The following C4orf51 variants were observed in gnomAD, a reference collection of about 807,000 sequenced individuals.
C4orf51 encodes the protein uncharacterized protein C4orf51.
In C4orf51, 25 loss-of-function variants were observed where a neutral mutation model predicts 25.2. That is an observed-to-expected ratio of 0.99 (90% confidence interval 0.72 to 1.39). The LOEUF (loss-of-function observed/expected upper bound fraction) is 1.39, where lower values mean the gene tolerates loss of function less well. Ranked by LOEUF, C4orf51 falls within the 40% of genes most tolerant of loss-of-function variation. The pLI, the probability that C4orf51 is intolerant of heterozygous loss-of-function variation, is 0.00. For synonymous variants in C4orf51, 100 were observed against 84.5 expected, an observed-to-expected ratio of 1.18 and a Z score of -1.01; for missense variants, 252 against 239.6, an observed-to-expected ratio of 1.05 and a Z score of -0.34.
downstream of C4orf51, among the ~76,000 whole-genome samples, chr4:145,733,136 C>T (rs1415637089): frequency 6.6e-6 from 1 of 152,106 alleles, no homozygotes; most frequent in Non-Finnish European, 1.5e-5. Flanking sequence ...GCCCCCAAAG[C>T]CGCGCCCACG....
At chr4:145,741,618 G>T (rs1733103654) in intron 1 of C4orf51, among the ~76,000 whole-genome samples, 1 of 152,192 alleles carries the variant, frequency 6.6e-6, no homozygotes, top group Non-Finnish European at 1.5e-5. Flanking sequence ...GAAAAGGTTA[G>T]ATTTCCCTGA....
chr4:145,697,047 A>ACC (rs35877665), intron 2 of C4orf51, among the ~76,000 whole-genome samples: 84,973 of 149,790 alleles, frequency 0.57, 24,363 homozygotes, highest in Admixed American at 0.66. Flanking sequence ...AAACAAAACA[A>ACC]AACCAACCAA....
intron 1 of C4orf51, among the ~76,000 whole-genome samples, chr4:145,695,945 C>A (rs988457277): frequency 6.6e-6 from 1 of 152,084 alleles, no homozygotes; most frequent in Admixed American, 6.6e-5. Context: ...CTCATTTATA[C>A]GTGAGAGTTA....
chr4:145,730,855 G>A (rs958764786), intron 5 of C4orf51, among the ~76,000 whole-genome samples: 1 of 152,214 alleles, frequency 6.6e-6, no homozygotes, highest in African/African-American at 2.4e-5. Flanking sequence ...TTCGCTAATG[G>A]GAGAGGGTTG....
chr4:145,788,262 C>T, the C4orf51 span, among the ~76,000 whole-genome samples: 1 of 152,096 alleles, frequency 6.6e-6, no homozygotes, highest in South Asian at 2.1e-4. Context: ...TTATGCAGGT[C>T]ATATTAAATC....
the C4orf51 span, among the ~76,000 whole-genome samples, chr4:145,781,121 G>A: frequency 7.0e-6 from 1 of 143,044 alleles, no homozygotes; most frequent in Non-Finnish European, 1.5e-5. Flanking sequence ...GCGTGAACCC[G>A]GGAGGTGGAG....
the C4orf51 span, among the ~76,000 whole-genome samples, chr4:145,792,255 A>G: frequency 6.6e-6 from 1 of 152,172 alleles, no homozygotes; most frequent in South Asian, 2.1e-4. Context: ...ATAGAATGGA[A>G]TGGAGTTAAG....
downstream of C4orf51, among the ~76,000 whole-genome samples, chr4:145,756,211 G>A (rs188790902): frequency 2.0e-3 from 305 of 152,290 alleles, 7 homozygotes; most frequent in Admixed American, 0.018. Flanking sequence ...TGACCGGTGC[G>A]GCAGCTCAGT....
In C4orf51 at chr4:145,765,085, G is replaced by A. The variant is rs1444663332; in HGVS notation, n.167-5903G>A. The A allele has an allele frequency of 6.2e-7, 1 of 1,614,162 alleles. No homozygotes were observed. The highest frequency in any genetic ancestry group is 8.5e-7 in the Non-Finnish European group (1 of 1,180,034). ...TGGCACACATCACACTCAAACATCCGGGTGATGAGGTGTATCTGCAGATGA... is the reference window on the plus strand; with the variant it reads ...TGGCACACATCACACTCAAACATCCAGGTGATGAGGTGTATCTGCAGATGA... On this transcript the variant is annotated intron_variant and non_coding_transcript_variant, in intron 1 of 1. Transcript: ENST00000510096. This position sits in a 1 kb window ranked among gnomAD's most constrained non-coding sequence, Gnocchi z 4.7.
intron 1 of C4orf51, among the ~76,000 whole-genome samples, chr4:145,749,063 G>GTATATATATATATA (rs142948635): frequency 1.9e-4 from 26 of 140,004 alleles, no homozygotes; most frequent in Admixed American, 3.6e-4. Flanking sequence ...GTGTGTGTGT[G>GTATATATATATATA]TGTATATATA....
At chr4:145,750,812 T>G (rs1733631454) in intron 1 of C4orf51, among the ~76,000 whole-genome samples, 1 of 152,186 alleles carries the variant, frequency 6.6e-6, no homozygotes, top group Non-Finnish European at 1.5e-5. Flanking sequence ...CTAGATCTTG[T>G]AGGAATGTTT....
chr4:145,782,554 T>C, the C4orf51 span, among the ~76,000 whole-genome samples: 1 of 152,202 alleles, frequency 6.6e-6, no homozygotes, highest in Non-Finnish European at 1.5e-5. Context: ...ACTGCCTTAA[T>C]TGTGTCATCA....
chr4:145,744,359 T>G (rs1384053191), intron 1 of C4orf51, among the ~76,000 whole-genome samples: 1 of 152,226 alleles, frequency 6.6e-6, no homozygotes, highest in Non-Finnish European at 1.5e-5. Context: ...CAAAGGATCC[T>G]GTGATACAAA....
At chr4:145,775,863 A>G (rs780836077), downstream of C4orf51, 6 of 1,614,100 alleles carry the variant, frequency 3.7e-6, no homozygotes, top group Admixed American at 1.0e-4. Flanking sequence ...CGGTGTCTGT[A>G]CTCACCAGCT....
In C4orf51 at chr4:145,762,884, G is replaced by T. The variant is rs555478780; in HGVS notation, n.167-8104G>T. Among the ~76,000 whole-genome samples the T allele has an allele frequency of 1.3e-5, 2 of 152,338 alleles. No individual in the cohort carries two copies. Among genetic ancestry groups the T allele is most frequent in the East Asian group, 3.9e-4 (2 of 5,184 alleles). On this transcript the variant is annotated intron_variant and non_coding_transcript_variant, in intron 1 of 1. Coordinates refer to the C4orf51 transcript ENST00000510096. The surrounding 1 kb of genome is among the most constrained non-coding windows in gnomAD (Gnocchi z 4.9). ...CTCTTGCTTGGCTCCTGCAGGGCAGGGCTCAGGAGTGGACTGTCCTCGGAG... is the reference window on the plus strand; with the variant it reads ...CTCTTGCTTGGCTCCTGCAGGGCAGTGCTCAGGAGTGGACTGTCCTCGGAG...
At chr4:145,750,412 GTTTTT>G (rs55700691) in intron 1 of C4orf51, among the ~76,000 whole-genome samples, 1 of 108,136 alleles carries the variant, frequency 9.2e-6, no homozygotes, top group Non-Finnish European at 1.9e-5. Flanking sequence ...TAGGGTAAAA[GTTTTT>G]TTTTTTTTTT....
chr4:145,785,763 T>C, the C4orf51 span, among the ~76,000 whole-genome samples: 1 of 152,192 alleles, frequency 6.6e-6, no homozygotes, highest in Non-Finnish European at 1.5e-5. Context: ...TTCAAGCTCT[T>C]CCAAGCCACA....
intron 1 of C4orf51, among the ~76,000 whole-genome samples, chr4:145,695,010 G>A (rs1729959397): frequency 6.6e-6 from 1 of 152,214 alleles, no homozygotes; most frequent in African/African-American, 2.4e-5. Context: ...TGGGATTACA[G>A]TTGGGAATAT....
chr4:145,788,873 G>C, the C4orf51 span, among the ~76,000 whole-genome samples: 4 of 152,108 alleles, frequency 2.6e-5, no homozygotes, highest in Non-Finnish European at 5.9e-5. Context: ...TTGTTTGTTT[G>C]GCTTTGTGGC....
Sources: allele counts gnomAD v4.1 joint callset (sites outside exome capture counted in the v4.1 genomes callset), GRCh38; gene constraint gnomAD v4.1.1; non-coding constraint Gnocchi (gnomAD v3.1); transcripts MANE v1.5; gene names NCBI Gene and HGNC (gene_info 2026-07-23, HGNC 2026-07-21).